The following RAP1GAP variants were observed in gnomAD, a reference collection of about 807,000 sequenced individuals.
RAP1GAP encodes RAP1 GTPase activating protein.
A neutral mutation model predicts 87.2 loss-of-function variants in RAP1GAP; 35 were observed. That is an observed-to-expected ratio of 0.40 (90% CI 0.31 to 0.53). The LOEUF is 0.53. Among genes scored for constraint, RAP1GAP ranks in the 20% least tolerant of loss-of-function variants. The probability of loss-of-function intolerance (pLI) is 0.48; values close to 1 mark genes in which losing one functional copy is unlikely to be tolerated. For synonymous variants in RAP1GAP, 375 were observed against 363.9 expected, an observed-to-expected ratio of 1.03 and a Z score of -0.35; for missense variants, 734 against 898.9, an observed-to-expected ratio of 0.82 and a Z score of 2.35.
chr1:21,613,317 G>A lies in RAP1GAP; in HGVS notation c.475-88C>T. On this transcript the variant is annotated intron_variant, in intron 9 of 24. Coordinates refer to ENST00000374765, the MANE Select transcript of RAP1GAP (RefSeq NM_002885.4). This position sits in a 1 kb window ranked among gnomAD's most constrained non-coding sequence, Gnocchi z 4.7. ...CTGGGCCTCCCTGGTCAAGGTCTGG[G>A]GAGGAGCCATGCTGGGAATGGCCAA... 2 of 1,252,942 alleles carry A rather than the reference G, an allele frequency of 1.6e-6. No individual in the cohort carries two copies. Among genetic ancestry groups the A allele is most frequent in the Non-Finnish European group, 2.3e-6 (2 of 854,188 alleles). The allele number at this position is 1,252,942 out of a possible 1,614,324, so 77.6% of individuals were successfully genotyped here. A position where few individuals can be genotyped will look rare whatever the true frequency, so the allele number is the denominator to read the frequency against.
chr1:21,623,521 A>C (rs2090167441), intron 3 of RAP1GAP, among the ~76,000 whole-genome samples: 1 of 152,190 alleles, frequency 6.6e-6, no homozygotes, highest in Non-Finnish European at 1.5e-5. Flanking sequence ...ACCAGCTCAG[A>C]GCCATACCTC....
chr1:21,618,810 AAG>A (rs2084238846), intron 5 of RAP1GAP, among the ~76,000 whole-genome samples: 4 of 152,080 alleles, frequency 2.6e-5, no homozygotes, highest in Admixed American at 2.6e-4. Context: ...GCCCTCTAGC[AAG>A]AGAGGGGTTC....
At position 21,603,004 on chromosome 1, in the gene RAP1GAP, C is replaced by T. The variant is rs1009372342; in HGVS notation, c.1429-91G>A. On this transcript the variant is annotated intron_variant, in intron 18 of 24. Transcript: ENST00000374765. The surrounding 1 kb of genome is among the most constrained non-coding windows in gnomAD (Gnocchi z 6.0). ...CTCTGGGGATCCTGCTGCCCCAGGC[C>T]CTGAAGCAGAGTTGATGAGCAAGAA... The T allele has an allele frequency of 5.5e-6, 5 of 903,498 alleles. No homozygotes were observed. The highest frequency in any genetic ancestry group is 8.5e-6 in the Non-Finnish European group (5 of 591,160). 56.0% of individuals were successfully genotyped at this position (903,498 alleles called of 1,614,324 possible). A position where few individuals can be genotyped will look rare whatever the true frequency, so the allele number is the denominator to read the frequency against.
At chr1:21,601,270 AGG>A (rs1372901419) in intron 20 of RAP1GAP, among the ~76,000 whole-genome samples, 3 of 152,052 alleles carry the variant, frequency 2.0e-5, no homozygotes, top group African/African-American at 7.2e-5. Context: ...CAGTCCTAGC[AGG>A]GCTGGTTCAG....
Position 21,664,324 on chromosome 1 carries a change from G to A in RAP1GAP, c.-149+4930C>T, listed in dbSNP as rs555277321. Among the ~76,000 whole-genome samples the A allele has an allele frequency of 1.4e-4, 21 of 152,260 alleles. No homozygotes were observed. The East Asian group carries it at 3.9e-3, about 28-fold the overall frequency. ...CAGCAGTGGCAGGGCAGAGAACTAC[G>A]CCAGGTGGTTCCTCATTCCAGGCTA... On this transcript the variant is annotated intron_variant, in intron 1 of 24. Coordinates refer to ENST00000374765, the MANE Select transcript of RAP1GAP (RefSeq NM_002885.4).
chr1:21,599,213 C>T (rs377346088), intron 21 of RAP1GAP, among the ~76,000 whole-genome samples: 9 of 152,146 alleles, frequency 5.9e-5, no homozygotes, highest in African/African-American at 1.2e-4. Flanking sequence ...GGGACTGCAA[C>T]GGAGTACAGA....
chr1:21,617,401 T>A lies in RAP1GAP; in HGVS notation c.196A>T (p.Ile66Phe), dbSNP rs2082949429. The A allele has an allele frequency of 6.2e-7, 1 of 1,604,298 alleles. No individual in the cohort carries two copies. Among genetic ancestry groups the A allele is most frequent in the East Asian group, 2.2e-5 (1 of 44,592 alleles). ...GACTGCAGTGGCTCTGTCTCGGGGA[T>A]GCTGGTGATTTCGTGGTTGGTGCCC... The part of the protein sequence containing the change: ...IEGTNHEITS[I>F]PETEPLQSPT... The change falls in exon 7 of 25, where the codon ATC (isoleucine) becomes TTC (phenylalanine). Residue 66 changes from isoleucine to phenylalanine, a missense_variant. Ile to Phe is a conservative substitution (Grantham distance 21, BLOSUM62 0). Transcript: ENST00000374765.
chr1:21,602,671 C>T, intron 19 of RAP1GAP, 133 bp downstream of exon 19: 1 of 751,704 alleles, frequency 1.3e-6, no homozygotes, highest in South Asian at 2.0e-5. Flanking sequence ...AGGGACTTGA[C>T]CACACAGCTG....
At chr1:21,651,978 C>A in intron 1 of RAP1GAP, 1 of 545,900 alleles carries the variant, frequency 1.8e-6, no homozygotes, top group African/African-American at 2.0e-5. Context: ...CGGGGGCCGC[C>A]GGCGCAGAAA....
chr1:21,638,574 G>A (rs1337485539), intron 2 of RAP1GAP, among the ~76,000 whole-genome samples: 2 of 151,978 alleles, frequency 1.3e-5, no homozygotes, highest in Non-Finnish European at 2.9e-5. Context: ...CTGTCTGTCC[G>A]TCCTCTTTCT....
intron 3 of RAP1GAP, among the ~76,000 whole-genome samples, chr1:21,620,421 G>A (rs909531739): frequency 1.3e-5 from 2 of 152,202 alleles, no homozygotes; most frequent in Admixed American, 6.5e-5. Flanking sequence ...ACCTCTCCCG[G>A]AAGGGGGCAA....
chr1:21,598,445 A>T lies in RAP1GAP; in HGVS notation c.1834T>A (p.Trp612Arg). 1.2e-6 allele frequency: 2 copies of T among 1,613,974 alleles called. No homozygotes were observed. Among genetic ancestry groups the T allele is most frequent in the Non-Finnish European group, 1.7e-6 (2 of 1,179,914 alleles). ...GTGGTGCTGACACTGTCCTCCAGCC[A>T]CGTGCTATAGATGAAGGAGTCCCGC... is the stretch of plus-strand genomic sequence containing the variant. ...HKRDSFIYST[W>R]LEDSVSTTSG... Residue 612 changes from tryptophan (W) to arginine (R), a missense_variant, in exon 22 of 25, where the codon TGG becomes AGG. This residue lies in a region of RAP1GAP where 249 missense variants were observed against 252.7 expected (regional missense o/e 0.99). Transcript: ENST00000374765.
chr1:21,609,503 G>T lies in RAP1GAP; in HGVS notation c.1071+72C>A. On this transcript the variant is annotated intron_variant, in intron 15 of 24. Coordinates refer to ENST00000374765, the MANE Select transcript of RAP1GAP (RefSeq NM_002885.4). The surrounding 1 kb of genome is among the most constrained non-coding windows in gnomAD (Gnocchi z 4.4). ...TGAGACTTTGGGACCTCATAAGGCA[G>T]AATGTGTATGCACCCCCCAGGCCCC... The T allele has an allele frequency of 2.2e-6, 2 of 897,432 alleles. No homozygotes were observed. Among genetic ancestry groups the T allele is most frequent in the Non-Finnish European group, 3.2e-6 (2 of 624,730 alleles). 55.6% of individuals were successfully genotyped at this position (897,432 alleles called of 1,614,324 possible).
rs760324117 is a variant in RAP1GAP, at chr1:21,611,538, C to T, written c.757G>A (p.Glu253Lys). 7 of 1,614,198 alleles carry T rather than the reference C, an allele frequency of 4.3e-6. No homozygotes were observed. Among genetic ancestry groups the T allele is most frequent in the Admixed American group, 1.7e-5 (1 of 60,036 alleles). ...LDVTHGQTGTESVYCNFRNKE... is the reference protein window; with the variant it reads ...LDVTHGQTGTKSVYCNFRNKE... ...TTGCGGAAGTTGCAGTACACAGATT[C>T]GGTCCCCGTCTGCCCGTGGGTCACG... Residue 253 changes from glutamate (E) to lysine (K), a missense_variant, in exon 13 of 25, where the codon GAA becomes AAA. By Grantham distance (56) the Glu-to-Lys change is moderately conservative. This residue lies in a region of RAP1GAP where 485 missense variants were observed against 646.2 expected (regional missense o/e 0.75). Coordinates refer to ENST00000374765, the MANE Select transcript of RAP1GAP (RefSeq NM_002885.4).
chr1:21,655,940 C>T (rs2096841984), intron 1 of RAP1GAP, among the ~76,000 whole-genome samples: 1 of 152,188 alleles, frequency 6.6e-6, no homozygotes, highest in East Asian at 1.9e-4. Context: ...CTTGCCAGGG[C>T]CTCCAATAGC....
Position 21,661,955 on chromosome 1 carries a change from C to T in RAP1GAP, c.-149+7299G>A, listed in dbSNP as rs533680492. ...AGTCTCTTGGAAACAGCTCTGCCCA[C>T]CAGTCTGTCTCTTCCAGACCACGCC... On this transcript the variant is annotated intron_variant, in intron 1 of 24. Coordinates refer to ENST00000374765, the MANE Select transcript of RAP1GAP (RefSeq NM_002885.4). Among the ~76,000 whole-genome samples, 4 of 152,332 alleles carry T rather than the reference C, an allele frequency of 2.6e-5. No homozygotes were observed. In the South Asian group the frequency reaches 8.3e-4, roughly 32 times the overall value.
In RAP1GAP at chr1:21,619,996, G is replaced by A. The variant is rs1375850292; in HGVS notation, c.18+19C>T. On this transcript the variant is annotated intron_variant, in intron 4 of 24. Transcript: ENST00000374765. ...CCAGCTCTGTGGCTCCCCAGAACAG[G>A]CCACAGAGCCATCCTCACCTGCATC... is the stretch of plus-strand genomic sequence containing the variant. The A allele has an allele frequency of 1.2e-5, 19 of 1,613,474 alleles. No homozygotes were observed. Among genetic ancestry groups the A allele is most frequent in the Non-Finnish European group, 1.5e-5 (18 of 1,179,684 alleles).
intron 1 of RAP1GAP, among the ~76,000 whole-genome samples, chr1:21,667,123 GC>G (rs3841813): frequency 0.06 from 9,186 of 152,320 alleles, 431 homozygotes; most frequent in East Asian, 0.25. Context: ...CTGCTCAGCA[GC>G]CTCTGACAGC....
chr1:21,612,117 A>T lies in RAP1GAP; in HGVS notation c.529-8T>A. 6.5e-7 allele frequency: 1 copy of T among 1,545,364 alleles called. No individual in the cohort carries two copies. The highest frequency in any genetic ancestry group is 8.8e-7 in the Non-Finnish European group (1 of 1,141,032). Reference sequence around the variant, plus strand: ...GACGATGAGCCGGGAAGCCTGCAGGAGAGGACGCCGGGTGAAGAGGCTGCG... The same window carrying T: ...GACGATGAGCCGGGAAGCCTGCAGGTGAGGACGCCGGGTGAAGAGGCTGCG... On this transcript the variant is annotated splice_region_variant and splice_polypyrimidine_tract_variant and intron_variant, in intron 10 of 24. Transcript: ENST00000374765.
Sources: gnomAD v4.1 joint callset for allele counts (sites outside exome capture counted in the v4.1 genomes callset) on GRCh38, gnomAD v4.1.1 for gene constraint, gnomAD v4.1.1 regional missense constraint, Gnocchi (gnomAD v3.1) non-coding constraint, MANE v1.5 for transcripts, NCBI Gene and HGNC (gene_info 2026-07-23, HGNC 2026-07-21) for gene names.